Variants in AMPD2 observed in about 807,000 individuals in gnomAD.
AMPD2 encodes adenosine monophosphate deaminase 2, also known as AMP deaminase 2.
In AMPD2, 52 loss-of-function variants were observed where a neutral mutation model predicts 91.3. That is an observed-to-expected ratio of 0.57 (90% CI 0.46 to 0.72). AMPD2 has a LOEUF of 0.72. Ranked by LOEUF, AMPD2 falls within the 30% of genes least tolerant of loss-of-function variation. AMPD2 has a pLI of 0.00. For synonymous variants in AMPD2, 455 were observed against 456.4 expected, an observed-to-expected ratio of 1.00 and a Z score of 0.04; for missense variants, 822 against 1,122.3, an observed-to-expected ratio of 0.73 and a Z score of 3.82.
intron 2 of AMPD2, chr1:109,621,519 AG>A: frequency 1.6e-6 from 1 of 609,396 alleles, no homozygotes; most frequent in Non-Finnish European, 3.0e-6. Flanking sequence ...GTGTGGGTGC[AG>A]CAAGAGGTGT....
In AMPD2 at chr1:109,626,823, C is replaced by T. The variant is rs776769836; in HGVS notation, c.629C>T (p.Pro210Leu). The change falls in exon 7 of 19, where the codon CCC (proline) becomes CTC (leucine). Residue 210 changes from proline to leucine, a missense_variant. Coordinates refer to ENST00000528667, the MANE Select transcript of AMPD2 (RefSeq NM_001368809.2). ...YMALSLQSFCPTTRRYLQQLA... is the reference protein window; with the variant it reads ...YMALSLQSFCLTTRRYLQQLA... ...GCCCTGTCCCTGCAGAGCTTCTGCC[C>T]CACCACCCGCCGCTACCTGCAGCAG... The T allele has an allele frequency of 4.3e-6, 7 of 1,613,662 alleles. No individual in the cohort carries two copies. The highest frequency in any genetic ancestry group is 5.1e-6 in the Non-Finnish European group (6 of 1,179,896).
In AMPD2 at chr1:109,628,334, G is replaced by C. The variant is rs753081963; in HGVS notation, c.1276-30G>C. Reference sequence around the variant, plus strand: ...AGTCAGTCAGGGGACCAGGAGTCACGGGTGACCTGAGCCTTCCCATGTCCC... The same window carrying C: ...AGTCAGTCAGGGGACCAGGAGTCACCGGTGACCTGAGCCTTCCCATGTCCC... On this transcript the variant is annotated intron_variant, in intron 11 of 18. Transcript: ENST00000528667. This position sits in a 1 kb window ranked among gnomAD's most constrained non-coding sequence, Gnocchi z 7.1. 3.7e-6 allele frequency: 6 copies of C among 1,613,488 alleles called. No individual in the cohort carries two copies. In the South Asian group the frequency reaches 5.5e-5, roughly 15 times the overall value.
chr1:109,628,146 C>A lies in AMPD2; in HGVS notation c.1144C>A (p.Arg382=), dbSNP rs376430770. Residue 382 remains arginine (R), a synonymous_variant, in exon 11 of 19, where the codon CGG becomes AGG. Transcript: ENST00000528667. The surrounding 1 kb of genome is among the most constrained non-coding windows in gnomAD (Gnocchi z 7.1). ...NQKHLLRFIK[R]AMKRHLEEIV... ...GAAGCATCTGCTGCGCTTCATCAAG[C>A]GGGCAATGAAGCGGCACCTGGAGGA... The A allele has an allele frequency of 6.2e-7, 1 of 1,613,976 alleles. No individual in the cohort carries two copies. Among genetic ancestry groups the A allele is most frequent in the Non-Finnish European group, 8.5e-7 (1 of 1,180,050 alleles).
In AMPD2 at chr1:109,625,813, C is replaced by G; in HGVS notation, c.353+21C>G. ...GTCAAGTGAGCCCGGCAGGCAGCTG[C>G]TTAGTCTCCCTCCATACCCTTCCAG... On this transcript the variant is annotated intron_variant, in intron 4 of 18. Transcript: ENST00000528667. The surrounding 1 kb of genome is among the most constrained non-coding windows in gnomAD (Gnocchi z 4.0). 1.2e-6 allele frequency: 2 copies of G among 1,613,752 alleles called. No homozygotes were observed. The highest frequency in any genetic ancestry group is 8.5e-7 in the Non-Finnish European group (1 of 1,179,916).
Position 109,631,572 on chromosome 1 carries a change from CAGGCGGGG to C in AMPD2, c.*421_*428del. 2.6e-5 allele frequency: 7 copies of C among 268,290 alleles called. No homozygotes were observed. Among genetic ancestry groups the C allele is most frequent in the South Asian group, 4.0e-5 (1 of 25,044 alleles). 16.6% of individuals were successfully genotyped at this position (268,290 alleles called of 1,614,324 possible). On this transcript the variant is annotated 3_prime_UTR_variant, in exon 19 of 19. Coordinates refer to ENST00000528667, the MANE Select transcript of AMPD2 (RefSeq NM_001368809.2). ...CTGTCTTGTTCATGTAGCCGAGGGGCAGGCGGGGGACCTCTACACCTCTGCTGTGGGCA... is the reference window on the plus strand; with the variant it reads ...CTGTCTTGTTCATGTAGCCGAGGGGCGACCTCTACACCTCTGCTGTGGGCA...
rs748496694 is a variant in AMPD2, at chr1:109,625,330, C to G, written c.119C>G (p.Pro40Arg). 4 of 1,613,158 alleles carry G rather than the reference C, an allele frequency of 2.5e-6. No homozygotes were observed. Among genetic ancestry groups the G allele is most frequent in the Non-Finnish European group, 3.4e-6 (4 of 1,179,874 alleles). The change falls in exon 3 of 19, where the codon CCG becomes CGG. Residue 40 changes from proline (P) to arginine (R), a missense_variant. By Grantham distance (103) the Pro-to-Arg change is moderately radical. Around this residue, in one of 5 missense-constraint regions of AMPD2, gnomAD observed 105 missense variants for 125.0 expected, o/e 0.84. Transcript: ENST00000528667. The surrounding 1 kb of genome is among the most constrained non-coding windows in gnomAD (Gnocchi z 4.0). ...PEARGGLGAP[P>R]LQSARSLPGP... ...GCTCGGGGTGGTCTGGGGGCCCCTC[C>G]GCTGCAGTCTGCCCGATCCCTGCCG... is the stretch of plus-strand genomic sequence containing the variant.
rs1305040183 is a variant in AMPD2, at chr1:109,620,258, ACT to A, written c.-281_-280del. The A allele has an allele frequency of 6.2e-7, 1 of 1,613,810 alleles. No individual in the cohort carries two copies. The highest frequency in any genetic ancestry group is 8.5e-7 in the Non-Finnish European group (1 of 1,179,924). ...TTCTCGTGGGCAGCCTCCCCTCGGAACTCGGGCATCATGGCCTCAGGTGAGTG... is the reference window on the plus strand; with the variant it reads ...TTCTCGTGGGCAGCCTCCCCTCGGAACGGGCATCATGGCCTCAGGTGAGTG... On this transcript the variant is annotated 5_prime_UTR_variant, in exon 1 of 19. Transcript: ENST00000528667.
chr1:109,627,298 G>T lies in AMPD2; in HGVS notation c.842G>T (p.Arg281Leu), dbSNP rs774576755. The T allele has an allele frequency of 7.5e-6, 12 of 1,603,890 alleles. No individual in the cohort carries two copies. The South Asian group carries it at 1.2e-4, about 16-fold the overall frequency. ...MVRGVVHVYT[R>L]REPDEHCSEV... ...CGGGGTGTGGTGCACGTCTACACCC[G>T]CAGGGAACCCGACGAGCAGTAAGAG... Residue 281 changes from arginine to leucine, a missense_variant, in exon 8 of 19, where the codon CGC becomes CTC. By Grantham distance (102) the Arg-to-Leu change is moderately radical. Around this residue, in one of 5 missense-constraint regions of AMPD2, gnomAD observed 240 missense variants for 270.3 expected, o/e 0.89. Transcript: ENST00000528667.
At position 109,625,882 on chromosome 1, in the gene AMPD2, C is replaced by A; in HGVS notation, c.353+90C>A. 1 of 1,553,320 alleles carries A rather than the reference C, an allele frequency of 6.4e-7. No individual in the cohort carries two copies. On this transcript the variant is annotated intron_variant, in intron 4 of 18. Transcript: ENST00000528667. This position sits in a 1 kb window ranked among gnomAD's most constrained non-coding sequence, Gnocchi z 4.0. Reference sequence around the variant, plus strand: ...TTCTGCCTCTTTCCCTCGCACCCTGCCTTGGGGGGTCTGCACAGGGAGCAT... The same window carrying A: ...TTCTGCCTCTTTCCCTCGCACCCTGACTTGGGGGGTCTGCACAGGGAGCAT...
Position 109,628,770 on chromosome 1 carries a change from C to T in AMPD2, c.1535C>T (p.Pro512Leu). The part of the protein sequence containing the change: ...RWAVMHRVHS[P>L]NVRWLVQVPR... ...GCCGTCATGCACCGCGTGCACTCCC[C>T]CAACGTGCGCTGGCTGGTGCAGGTG... The change falls in exon 13 of 19, where the codon CCC (proline) becomes CTC (leucine). Residue 512 changes from proline to leucine, a missense_variant. Coordinates refer to ENST00000528667, the MANE Select transcript of AMPD2 (RefSeq NM_001368809.2). This position sits in a 1 kb window ranked among gnomAD's most constrained non-coding sequence, Gnocchi z 7.1. 6.3e-7 allele frequency: 1 copy of T among 1,579,816 alleles called. No homozygotes were observed. The highest frequency in any genetic ancestry group is 8.6e-7 in the Non-Finnish European group (1 of 1,162,296).
At chr1:109,620,384 A>T in intron 1 of AMPD2, 106 bp downstream of exon 1, 1 of 1,533,630 alleles carries the variant, frequency 6.5e-7, no homozygotes, top group South Asian at 1.2e-5. Flanking sequence ...GGACCTAGGG[A>T]AGGCGGTCAG....
chr1:109,625,870 C>A lies in AMPD2; in HGVS notation c.353+78C>A. 1 of 1,578,740 alleles carries A rather than the reference C, an allele frequency of 6.3e-7. No individual in the cohort carries two copies. The highest frequency in any genetic ancestry group is 1.7e-4 in the Middle Eastern group (1 of 5,922). On this transcript the variant is annotated intron_variant, in intron 4 of 18. Transcript: ENST00000528667. This position sits in a 1 kb window ranked among gnomAD's most constrained non-coding sequence, Gnocchi z 4.0. ...TCAGAGCCCCTTTTCTGCCTCTTTC[C>A]CTCGCACCCTGCCTTGGGGGGTCTG...
In AMPD2 at chr1:109,631,245, ATTC is replaced by A; in HGVS notation, c.*98_*100del. On this transcript the variant is annotated 3_prime_UTR_variant, in exon 19 of 19. Coordinates refer to ENST00000528667, the MANE Select transcript of AMPD2 (RefSeq NM_001368809.2). The stretch of plus-strand genomic sequence containing the variant: ...TGCTGTGTGGTCTCTGCATGTCTCC[ATTC>A]TTCTCTGTCTCTGTCTTGCATGTCT... 1 of 1,225,498 alleles carries A rather than the reference ATTC, an allele frequency of 8.2e-7. No homozygotes were observed. The highest frequency in any genetic ancestry group is 1.2e-6 in the Non-Finnish European group (1 of 857,264). The allele number at this position is 1,225,498 out of a possible 1,614,324, so 75.9% of individuals were successfully genotyped here.
In AMPD2 at chr1:109,625,258, G is replaced by A; in HGVS notation, c.92-45G>A. On this transcript the variant is annotated intron_variant, in intron 2 of 18. Coordinates refer to ENST00000528667, the MANE Select transcript of AMPD2 (RefSeq NM_001368809.2). The surrounding 1 kb of genome is among the most constrained non-coding windows in gnomAD (Gnocchi z 4.0). ...CAGGGCAGGGGCCCAGGGCTTTCAGGGGCTGCCCCTCCACCCTTTGACCCT... is the reference window on the plus strand; with the variant it reads ...CAGGGCAGGGGCCCAGGGCTTTCAGAGGCTGCCCCTCCACCCTTTGACCCT... The A allele has an allele frequency of 6.2e-7, 1 of 1,600,648 alleles. No homozygotes were observed. Among genetic ancestry groups the A allele is most frequent in the East Asian group, 2.2e-5 (1 of 44,630 alleles).
rs1257207869 is a variant in AMPD2, at chr1:109,629,326, G to T, written c.1699-1G>T. ...GTTCTGACCCCAGGGTTCTGTATTA[G>T]GTGGATGGTTTTGACAGCGTGGATG... On this transcript the variant is annotated splice_acceptor_variant, in intron 14 of 18. Transcript: ENST00000528667. LOFTEE classifies it high-confidence loss of function. 1.2e-6 allele frequency: 2 copies of T among 1,614,160 alleles called. No homozygotes were observed. The highest frequency in any genetic ancestry group is 1.7e-6 in the Non-Finnish European group (2 of 1,180,028).
At chr1:109,630,456 G>C in intron 17 of AMPD2, 50 bp downstream of exon 17, 1 of 1,437,350 alleles carries the variant, frequency 7.0e-7, no homozygotes, top group Non-Finnish European at 9.5e-7. Flanking sequence ...GGACGCTGGG[G>C]TCTCCCGGGT....
intron 9 of AMPD2, 114 bp from the exon 10 acceptor site, chr1:109,627,660 C>T: frequency 6.5e-7 from 1 of 1,534,190 alleles, no homozygotes; most frequent in East Asian, 2.3e-5. Context: ...CTACTTCCCT[C>T]TTGGCAGCCT....
intron 17 of AMPD2, 136 bp from the exon 18 acceptor site, chr1:109,630,547 G>A (rs1651134731): frequency 4.9e-6 from 5 of 1,015,594 alleles, no homozygotes; most frequent in East Asian, 2.8e-5. Flanking sequence ...CAATTGACAA[G>A]TCTTATGGAG....
rs946943342 is a variant in AMPD2, at chr1:109,619,942, G to A, written c.-599G>A. 7.4e-6 allele frequency: 3 copies of A among 404,488 alleles called. No individual in the cohort carries two copies. Among genetic ancestry groups the A allele is most frequent in the African/African-American group, 6.3e-5 (3 of 47,984 alleles). The allele number at this position is 404,488 out of a possible 1,614,324, so 25.1% of individuals were successfully genotyped here. A position where few individuals can be genotyped will look rare whatever the true frequency, so the allele number is the denominator to read the frequency against. ...GCGGGAGTCCGACCCTGAATGCCCA[G>A]GGAGTGTTGAGAGAAATCTGGACGA... On this transcript the variant is annotated 5_prime_UTR_variant, in exon 1 of 19. Coordinates refer to ENST00000528667, the MANE Select transcript of AMPD2 (RefSeq NM_001368809.2).
Sources: allele counts gnomAD v4.1 joint callset, GRCh38; gene constraint gnomAD v4.1.1; regional missense constraint gnomAD v4.1.1; non-coding constraint Gnocchi (gnomAD v3.1); transcripts MANE v1.5; gene names NCBI Gene and HGNC (gene_info 2026-07-23, HGNC 2026-07-21).